The following ECPAS variants were observed in gnomAD, a reference collection of about 807,000 sequenced individuals.
The protein encoded by ECPAS is Ecm29 proteasome adaptor and scaffold.
ECPAS carries 70 observed loss-of-function variants against 255.1 expected under a neutral mutation model. That is an observed-to-expected ratio of 0.27 (90% CI 0.23 to 0.33). The LOEUF is 0.33. Among genes scored for constraint, ECPAS ranks in the 10% least tolerant of loss-of-function variants. ECPAS has a pLI of 1.00. For missense variants in ECPAS, 1,817 were observed against 2,206.4 expected, an observed-to-expected ratio of 0.82 and a Z score of 3.54; for synonymous variants, 784 against 775.0, an observed-to-expected ratio of 1.01 and a Z score of -0.19.
chr9:111,435,373 G>A (rs1280430754), intron 7 of ECPAS, among the ~76,000 whole-genome samples: 3 of 152,128 alleles, frequency 2.0e-5, no homozygotes, highest in Non-Finnish European at 4.4e-5. Flanking sequence ...ACTAGATTAT[G>A]AAACTGACAA....
intron 2 of ECPAS, among the ~76,000 whole-genome samples, chr9:111,453,622 T>C (rs140159669): frequency 6.6e-6 from 1 of 152,314 alleles, no homozygotes; most frequent in African/African-American, 2.4e-5. Flanking sequence ...TGTCAAATAC[T>C]ATCTTAGTCC....
At chr9:111,446,434 C>T (rs563706529) in intron 3 of ECPAS, among the ~76,000 whole-genome samples, 2 of 152,234 alleles carry the variant, frequency 1.3e-5, no homozygotes, top group South Asian at 4.2e-4. Flanking sequence ...ACTATTCTCC[C>T]TCATTTCTGA....
At chr9:111,367,804 G>C (rs1044942315) in intron 46 of ECPAS, among the ~76,000 whole-genome samples, 3 of 152,102 alleles carry the variant, frequency 2.0e-5, no homozygotes, top group African/African-American at 7.2e-5. Flanking sequence ...AGCACTTTGA[G>C]AGGGAGGCCA....
chr9:111,410,845 T>C (rs1017587296), intron 22 of ECPAS, 135 bp downstream of exon 22: 1 of 943,826 alleles, frequency 1.1e-6, no homozygotes, highest in African/African-American at 1.6e-5. Context: ...ATACATTATT[T>C]ATCAAGTAAG....
chr9:111,445,145 G>A (rs988104572), intron 3 of ECPAS, among the ~76,000 whole-genome samples: 5 of 151,368 alleles, frequency 3.3e-5, no homozygotes, highest in South Asian at 2.1e-4. Flanking sequence ...ACAGGTACCC[G>A]CCATCACGCC....
chr9:111,381,498 T>G (rs2098140500), intron 35 of ECPAS, among the ~76,000 whole-genome samples: 1 of 152,140 alleles, frequency 6.6e-6, no homozygotes, highest in Admixed American at 6.5e-5. Flanking sequence ...AAATATGACA[T>G]AGAGATATGA....
rs757956162 is a variant in ECPAS, at chr9:111,370,634, G to A, written c.4782-7C>T. ...AGACTTTTCCAGCTCTGCACTACAG[G>A]GTCCATACAAAAGCATCAGAAGTTA... is the stretch of plus-strand genomic sequence containing the variant. On this transcript the variant is annotated splice_polypyrimidine_tract_variant and splice_region_variant and intron_variant, in intron 44 of 49. Transcript: ENST00000684092. The A allele has an allele frequency of 1.9e-6, 3 of 1,609,506 alleles. No homozygotes were observed. The highest frequency in any genetic ancestry group is 1.3e-5 in the African/African-American group (1 of 74,956).
chr9:111,373,838 CAG>C, intron 39 of ECPAS, 132 bp downstream of exon 39: 2 of 662,884 alleles, frequency 3.0e-6, no homozygotes, highest in Admixed American at 2.5e-5. Context: ...ATGAAGGAGT[CAG>C]GGGACTGAGG....
At chr9:111,483,152 G>T (rs2098309212) in intron 1 of ECPAS, among the ~76,000 whole-genome samples, 1 of 152,122 alleles carries the variant, frequency 6.6e-6, no homozygotes, top group Non-Finnish European at 1.5e-5. Flanking sequence ...CGGGACGGGC[G>T]GACACTGCCC....
chr9:111,459,810 T>C (rs1172622354), intron 2 of ECPAS, among the ~76,000 whole-genome samples: 2 of 152,156 alleles, frequency 1.3e-5, no homozygotes, highest in Non-Finnish European at 2.9e-5. Flanking sequence ...AACTGTATTA[T>C]TTAAAAACCT....
At chr9:111,377,379 A>C (rs998053052) in intron 36 of ECPAS, among the ~76,000 whole-genome samples, 1 of 152,242 alleles carries the variant, frequency 6.6e-6, no homozygotes, top group Non-Finnish European at 1.5e-5. Context: ...CGACTAATAC[A>C]ATATTGAAAA....
chr9:111,457,162 A>G (rs1564558520), intron 2 of ECPAS, among the ~76,000 whole-genome samples: 1 of 152,228 alleles, frequency 6.6e-6, no homozygotes. Flanking sequence ...TGGCTCAAGC[A>G]GTTTCAATGA....
chr9:111,407,721 A>G (rs2098187363), intron 24 of ECPAS, among the ~76,000 whole-genome samples: 1 of 152,164 alleles, frequency 6.6e-6, no homozygotes, highest in Non-Finnish European at 1.5e-5. Flanking sequence ...TCTTCCTGAT[A>G]GAATTACACC....
At chr9:111,463,646 A>T (rs1038143960) in intron 2 of ECPAS, among the ~76,000 whole-genome samples, 3 of 152,218 alleles carry the variant, frequency 2.0e-5, no homozygotes, top group African/African-American at 7.2e-5. Flanking sequence ...GCAAATAGAC[A>T]AATCAATAGA....
At chr9:111,401,594 C>T (rs975449359) in intron 24 of ECPAS, among the ~76,000 whole-genome samples, 3 of 152,126 alleles carry the variant, frequency 2.0e-5, no homozygotes, top group African/African-American at 7.2e-5. Context: ...CTGGAATTTC[C>T]CAATCCTAGC....
At chr9:111,378,840 C>G in intron 35 of ECPAS, 110 bp from the exon 36 acceptor site, 2 of 1,103,758 alleles carry the variant, frequency 1.8e-6, no homozygotes, top group Non-Finnish European at 2.5e-6. Flanking sequence ...CATATTTTCA[C>G]ATGGTTGCAG....
chr9:111,437,205 G>A, intron 6 of ECPAS, 97 bp from the exon 7 acceptor site: 2 of 965,698 alleles, frequency 2.1e-6, no homozygotes, highest in East Asian at 3.0e-5. Flanking sequence ...TCCTCCTACT[G>A]TATTTTACTA....
rs1400058012 is a variant in ECPAS, at chr9:111,484,222, G to A, written c.-189C>T. ...GCCGGGCCCCGGGGAGCCGCGCGCC[G>A]CAGTCCGTGAGGGGCTGGGCCGAGC... On this transcript the variant is annotated 5_prime_UTR_variant, in exon 1 of 50. Coordinates refer to ENST00000684092, the MANE Select transcript of ECPAS (RefSeq NM_001364929.1). The A allele has an allele frequency of 6.8e-7, 1 of 1,468,340 alleles. No homozygotes were observed. The highest frequency in any genetic ancestry group is 9.0e-7 in the Non-Finnish European group (1 of 1,113,952). 91.0% of individuals were successfully genotyped at this position (1,468,340 alleles called of 1,614,324 possible).
intron 25 of ECPAS, among the ~76,000 whole-genome samples, chr9:111,394,792 G>A (rs987000114): frequency 6.6e-6 from 1 of 152,110 alleles, no homozygotes. Flanking sequence ...TCACCCACTA[G>A]AGACCAGTGG....
Sources: gnomAD v4.1 joint callset for allele counts (sites outside exome capture counted in the v4.1 genomes callset) on GRCh38, gnomAD v4.1.1 for gene constraint, MANE v1.5 for transcripts, NCBI Gene and HGNC (gene_info 2026-07-23, HGNC 2026-07-21) for gene names.